The following PAK2 variants were observed in gnomAD, a reference collection of about 807,000 sequenced individuals.
The protein encoded by PAK2 is p21 (RAC1) activated kinase 2, also known as serine/threonine-protein kinase PAK 2.
PAK2 carries 21 observed loss-of-function variants against 65.9 expected under a neutral mutation model. The ratio of observed to expected loss-of-function variants is 0.32; its 90% confidence interval spans 0.23 to 0.46. The LOEUF (loss-of-function observed/expected upper bound fraction) is 0.46. PAK2 is among the 20% of genes least tolerant of loss of function. The probability of loss-of-function intolerance (pLI) is 1.00; values close to 1 mark genes in which losing one functional copy is unlikely to be tolerated. For synonymous variants in PAK2, 204 were observed against 219.7 expected (o/e 0.93, Z 0.63); for missense variants, 324 against 642.6 (o/e 0.50, Z 5.36).
At chr3:196,812,179 T>TTATCAACC (rs1204025647) in intron 8 of PAK2, 40 bp from the exon 9 acceptor site, 4 of 1,166,044 alleles carry the variant, frequency 3.4e-6, no homozygotes, top group Non-Finnish European at 3.9e-6. Context: ...TGCTAGTGAT[T>TTATCAACC]TATCAACCTT....
intron 1 of PAK2, among the ~76,000 whole-genome samples, chr3:196,769,527 C>T (rs912435847): frequency 6.6e-6 from 1 of 151,710 alleles, no homozygotes; most frequent in Admixed American, 6.6e-5. Flanking sequence ...AATTCCGCAT[C>T]CCGGCCAGGC....
intron 1 of PAK2, among the ~76,000 whole-genome samples, chr3:196,754,698 G>A (rs1157339007): frequency 2.6e-5 from 4 of 152,120 alleles, no homozygotes; most frequent in Admixed American, 2.6e-4. Context: ...GTGTCCATTC[G>A]GGTTTTCCTG....
chr3:196,809,469 G>A (rs1202431731), intron 7 of PAK2, among the ~76,000 whole-genome samples: 1 of 140,768 alleles, frequency 7.1e-6, no homozygotes, highest in Non-Finnish European at 1.5e-5. Flanking sequence ...TCAGCCTCCC[G>A]AGTAGCTGGG....
At chr3:196,811,249 TC>T (rs1560113680) in intron 8 of PAK2, among the ~76,000 whole-genome samples, 1 of 41,438 alleles carries the variant, frequency 2.4e-5, no homozygotes, top group Non-Finnish European at 4.7e-5. Flanking sequence ...CTTCCCTCCC[TC>T]CCCTCCCTCC....
At chr3:196,783,164 C>G (rs570720895) in intron 2 of PAK2, among the ~76,000 whole-genome samples, 3 of 152,240 alleles carry the variant, frequency 2.0e-5, no homozygotes, top group South Asian at 4.1e-4. Context: ...CCACAGTCCC[C>G]TGTCTGAAAT....
At chr3:196,814,702 C>T (rs1715936260) in intron 11 of PAK2, 134 bp downstream of exon 11, 1 of 621,066 alleles carries the variant, frequency 1.6e-6, no homozygotes, top group Non-Finnish European at 2.8e-6. Context: ...CAAATTACTC[C>T]ATCTCCGTGC....
chr3:196,769,582 C>T (rs1402736833), intron 1 of PAK2, among the ~76,000 whole-genome samples: 2 of 151,260 alleles, frequency 1.3e-5, no homozygotes, highest in Non-Finnish European at 1.5e-5. Flanking sequence ...GAGGCCAAGG[C>T]GGGCGGATCA....
At position 196,773,991 on chromosome 3, in the gene PAK2, C is replaced by T. The variant is rs539475525; in HGVS notation, c.-21-8635C>T. On this transcript the variant is annotated intron_variant, in intron 1 of 14. Coordinates refer to ENST00000327134, the MANE Select transcript of PAK2 (RefSeq NM_002577.4). ...GAGGTTACAGTGAGCCGAGATCACG[C>T]CACTGCACTCCAGCCTGGGGACAGA... is the stretch of plus-strand genomic sequence containing the variant. Among the ~76,000 whole-genome samples, 5 of 152,280 alleles carry T rather than the reference C, an allele frequency of 3.3e-5. No individual in the cohort carries two copies. The South Asian group carries it at 8.3e-4, about 25-fold the overall frequency.
At chr3:196,814,311 T>C (rs1439585206) in intron 10 of PAK2, 140 bp from the exon 11 acceptor site, 1 of 598,082 alleles carries the variant, frequency 1.7e-6, no homozygotes, top group Non-Finnish European at 3.0e-6. Context: ...CGTAGCAGCT[T>C]TCCAGTTTTC....
chr3:196,811,339 T>C (rs1317892459), intron 8 of PAK2, among the ~76,000 whole-genome samples: 8 of 82,128 alleles, frequency 9.7e-5, no homozygotes, highest in South Asian at 1.0e-3. Context: ...TTCCCTCCCT[T>C]CCCTCCCTTC....
At chr3:196,814,176 A>G (rs982244035) in intron 10 of PAK2, among the ~76,000 whole-genome samples, 3 of 151,978 alleles carry the variant, frequency 2.0e-5, no homozygotes, top group Admixed American at 6.6e-5. Flanking sequence ...AGGACTAGTA[A>G]TTTCTATATT....
chr3:196,803,198 G>A (rs975374641), intron 4 of PAK2, 34 bp downstream of exon 4: 27 of 1,514,178 alleles, frequency 1.8e-5, no homozygotes, highest in Non-Finnish European at 2.3e-5. Context: ...ATCAGATGGA[G>A]ATTTGTGAAG....
intron 1 of PAK2, among the ~76,000 whole-genome samples, chr3:196,771,165 T>C (rs1714348745): frequency 6.6e-6 from 1 of 152,062 alleles, no homozygotes; most frequent in African/African-American, 2.4e-5. Context: ...AAAAAATAGT[T>C]TTGTTGAGTT....
In PAK2 at chr3:196,818,156, A is replaced by T; in HGVS notation, c.1153A>T (p.Thr385Ser). 1 of 1,101,702 alleles carries T rather than the reference A, an allele frequency of 9.1e-7. No individual in the cohort carries two copies. The highest frequency in any genetic ancestry group is 1.4e-6 in the Non-Finnish European group (1 of 716,296). 68.2% of individuals were successfully genotyped at this position (1,101,702 alleles called of 1,614,324 possible). The change falls in exon 12 of 15, where the codon ACT becomes TCT. Residue 385 changes from threonine to serine, a missense_variant and splice_region_variant. Thr to Ser is a moderately conservative substitution (Grantham distance 58, BLOSUM62 1). This residue lies in a region of PAK2 where 36 missense variants were observed against 161.5 expected (regional missense o/e 0.22). Transcript: ENST00000327134. Reference sequence around the variant, plus strand: ...GGGAATGGAAGGATCTGTTAAGCTCAGTGAGTAACAAATGGACAATTCACA... The same window carrying T: ...GGGAATGGAAGGATCTGTTAAGCTCTGTGAGTAACAAATGGACAATTCACA... Reference protein sequence around the residue: ...LLGMEGSVKLTDFGFCAQITP... With the variant: ...LLGMEGSVKLSDFGFCAQITP...
At chr3:196,741,054 A>T (rs1006693450) in intron 1 of PAK2, among the ~76,000 whole-genome samples, 1 of 152,166 alleles carries the variant, frequency 6.6e-6, no homozygotes, top group African/African-American at 2.4e-5. Flanking sequence ...TCCGGTTGAT[A>T]TCATTATCTC....
intron 11 of PAK2, among the ~76,000 whole-genome samples, chr3:196,817,353 C>CT (rs1272081033): frequency 3.4e-5 from 5 of 148,510 alleles, no homozygotes; most frequent in Non-Finnish European, 7.5e-5. Flanking sequence ...TTCTGTCCGT[C>CT]TTTTTTTGTT....
In PAK2 at chr3:196,739,906, G is replaced by C. The variant is rs1029622495; in HGVS notation, c.-273G>C. ...CACGCGCAGCGGCGGCGGTTGTTCCGCTTCCCCTCCGGCCCGGGCCGTCGC... is the reference window on the plus strand; with the variant it reads ...CACGCGCAGCGGCGGCGGTTGTTCCCCTTCCCCTCCGGCCCGGGCCGTCGC... On this transcript the variant is annotated 5_prime_UTR_variant, in exon 1 of 15. Transcript: ENST00000327134. 2 of 152,182 alleles carry C rather than the reference G, an allele frequency of 1.3e-5. No individual in the cohort carries two copies. Among genetic ancestry groups the C allele is most frequent in the Admixed American group, 1.3e-4 (2 of 15,274 alleles). The allele number at this position is 152,182 out of a possible 1,614,324, so 9.4% of individuals were successfully genotyped here.
At position 196,831,692 on chromosome 3, in the gene PAK2, C is replaced by T. The variant is rs1441834548; in HGVS notation, c.*3287C>T. 6.6e-6 allele frequency: 1 copy of T among 152,122 alleles called. No individual in the cohort carries two copies. 9.4% of individuals were successfully genotyped at this position (152,122 alleles called of 1,614,324 possible). On this transcript the variant is annotated 3_prime_UTR_variant, in exon 15 of 15. Coordinates refer to ENST00000327134, the MANE Select transcript of PAK2 (RefSeq NM_002577.4). ...TATTCTAGCCAGAATAATTTTAGAT[C>T]TGATCAGGTAGTAGCTAAAATTAGA...
chr3:196,761,145 CTTTT>C (rs58174238), intron 1 of PAK2, among the ~76,000 whole-genome samples: 6 of 119,528 alleles, frequency 5.0e-5, no homozygotes, highest in East Asian at 4.5e-4. Flanking sequence ...AGGAGAACCG[CTTTT>C]TTTTTTTTTT....
Sources: allele counts gnomAD v4.1 joint callset (sites outside exome capture counted in the v4.1 genomes callset), GRCh38; gene constraint gnomAD v4.1.1; regional missense constraint gnomAD v4.1.1; transcripts MANE v1.5; gene names NCBI Gene and HGNC (gene_info 2026-07-23, HGNC 2026-07-21).